IL1RAPL1: variants seen among roughly 807,000 people sequenced by gnomAD.
IL1RAPL1 encodes the protein interleukin-1 receptor accessory protein-like 1.
Under a neutral mutation model 48.4 loss-of-function variants are expected in IL1RAPL1, and 3 were observed. That is an observed-to-expected ratio of 0.06 (90% confidence interval 0.03 to 0.16). The LOEUF is 0.16. Among genes scored for constraint, IL1RAPL1 ranks in the 10% least tolerant of loss-of-function variants. IL1RAPL1 has a pLI of 1.00. For missense variants in IL1RAPL1, 349 were observed against 530.6 expected (o/e 0.66, Z 3.36); for synonymous variants, 185 against 187.7 (o/e 0.99, Z 0.12).
chrX:29,621,961 C>T (rs139188495), intron 5 of IL1RAPL1, among the ~76,000 whole-genome samples: 1,146 of 112,036 alleles, frequency 0.01, 13 homozygotes, highest in African/African-American at 0.034. Flanking sequence ...AATATGCTAT[C>T]TTCTTGAGAT....
At chrX:29,909,036 G>C (rs988587780) in intron 6 of IL1RAPL1, among the ~76,000 whole-genome samples, 2 of 111,167 alleles carry the variant, frequency 1.8e-5, no homozygotes, top group African/African-American at 6.5e-5. Context: ...TCATTGCTTT[G>C]TTATATCCTA....
intron 2 of IL1RAPL1, among the ~76,000 whole-genome samples, chrX:29,252,267 A>C (rs1171279827): frequency 9.7e-6 from 1 of 103,430 alleles, no homozygotes; most frequent in African/African-American, 3.7e-5. Flanking sequence ...AAGTACAATA[A>C]TAGTAAAAGA....
intron 6 of IL1RAPL1, among the ~76,000 whole-genome samples, chrX:29,749,864 G>A (rs1203997647): frequency 3.6e-5 from 4 of 111,992 alleles, no homozygotes; most frequent in Non-Finnish European, 7.5e-5. Flanking sequence ...TGTTTTATGT[G>A]GGGGTATGTG....
At chrX:29,929,041 T>A (rs1439224003) in intron 8 of IL1RAPL1, among the ~76,000 whole-genome samples, 1 of 111,682 alleles carries the variant, frequency 9.0e-6, no homozygotes, top group African/African-American at 3.3e-5. Context: ...GCATGTGTTC[T>A]ATGAAAAATA....
At chrX:29,197,332 G>A (rs1265195158) in intron 2 of IL1RAPL1, among the ~76,000 whole-genome samples, 1 of 111,494 alleles carries the variant, frequency 9.0e-6, no homozygotes, top group African/African-American at 3.3e-5. Context: ...AATGTCTGAT[G>A]TCTGTTTGGA....
chrX:29,311,451 A>G (rs1382567318), intron 3 of IL1RAPL1, among the ~76,000 whole-genome samples: 1 of 112,081 alleles, frequency 8.9e-6, no homozygotes, highest in Non-Finnish European at 1.9e-5. Flanking sequence ...CGAGCACAGG[A>G]ATACTAGCCT....
intron 2 of IL1RAPL1, among the ~76,000 whole-genome samples, chrX:28,919,208 G>A (rs997689472): frequency 9.0e-6 from 1 of 111,558 alleles, no homozygotes; most frequent in Non-Finnish European, 1.9e-5. Flanking sequence ...ATTTCATCAA[G>A]CATACAGTGT....
chrX:29,299,546 C>T (rs1932501386), intron 3 of IL1RAPL1, among the ~76,000 whole-genome samples: 1 of 111,450 alleles, frequency 9.0e-6, no homozygotes, highest in Non-Finnish European at 1.9e-5. Flanking sequence ...AAATGTGACA[C>T]AAAAAAGCTT....
rs186575724 is a variant in IL1RAPL1 at position 29,903,465 on chromosome X, A to G, written c.779-13999A>G. Among the ~76,000 whole-genome samples, 616 of 111,548 alleles carry G rather than the reference A, an allele frequency of 5.5e-3. 3 individuals carry two copies. Among genetic ancestry groups the G allele is most frequent in the Middle Eastern group, 9.2e-3 (2 of 217 alleles). On this transcript the variant is annotated intron_variant, in intron 6 of 10. Transcript: ENST00000378993. ...AAAATGCTCACTGTTTCCTAATTGC[A>G]AAGAGTAAAATGTCTGGATGTTGAT...
chrX:29,045,313 C>G lies in IL1RAPL1; in HGVS notation c.83-237625C>G, dbSNP rs781428419. On this transcript the variant is annotated intron_variant, in intron 2 of 10. Coordinates refer to ENST00000378993, the MANE Select transcript of IL1RAPL1 (RefSeq NM_014271.4). ...AGAATTCACTGTACTTTTTATTTCA[C>G]TATCGGCTTTCCAAAATATGGTAAC... 8.9e-5 allele frequency among the ~76,000 whole-genome samples: 10 copies of G among 112,345 alleles called. No homozygotes were observed. In the East Asian group the frequency reaches 1.7e-3, roughly 19 times the overall value.
chrX:29,032,288 T>C (rs1926636622), intron 2 of IL1RAPL1, among the ~76,000 whole-genome samples: 1 of 112,153 alleles, frequency 8.9e-6, no homozygotes, highest in Non-Finnish European at 1.9e-5. Flanking sequence ...TGTTGGTGAT[T>C]CTCCAAAAGG....
chrX:28,910,060 A>T (rs1303751346), intron 2 of IL1RAPL1, among the ~76,000 whole-genome samples: 2 of 111,930 alleles, frequency 1.8e-5, no homozygotes, highest in Non-Finnish European at 3.8e-5. Context: ...AAATATTCTT[A>T]CTTAAAACAA....
intron 2 of IL1RAPL1, among the ~76,000 whole-genome samples, chrX:28,983,879 T>TAAGTACAAACAACTCTGAG (rs1478329655): frequency 8.9e-6 from 1 of 111,936 alleles, no homozygotes; most frequent in Non-Finnish European, 1.9e-5. Flanking sequence ...TTCAACGACA[T>TAAGTACAAACAACTCTGAG]AAGTACAAAC....
At chrX:29,679,355 T>C (rs1221090510) in intron 6 of IL1RAPL1, among the ~76,000 whole-genome samples, 1 of 112,155 alleles carries the variant, frequency 8.9e-6, no homozygotes. Context: ...GTCAATTATC[T>C]TGGCAACTTT....
intron 5 of IL1RAPL1, among the ~76,000 whole-genome samples, chrX:29,628,495 A>G (rs1191730087): frequency 9.0e-6 from 1 of 111,729 alleles, no homozygotes; most frequent in Non-Finnish European, 1.9e-5. Flanking sequence ...AGTCCAGCCA[A>G]TGTTAGGTAT....
intron 2 of IL1RAPL1, among the ~76,000 whole-genome samples, chrX:28,907,554 C>T (rs1424609257): frequency 8.9e-6 from 1 of 112,961 alleles, no homozygotes; most frequent in African/African-American, 3.2e-5. Context: ...TGTGCCCAAC[C>T]TAATTGATGT....
At chrX:28,937,230 C>T (rs1924040214) in intron 2 of IL1RAPL1, among the ~76,000 whole-genome samples, 1 of 111,266 alleles carries the variant, frequency 9.0e-6, no homozygotes, top group Non-Finnish European at 1.9e-5. Context: ...TTCTGAGGTC[C>T]CCTTTCACCC....
chrX:29,084,889 C>T (rs1416182399), intron 2 of IL1RAPL1, among the ~76,000 whole-genome samples: 3 of 111,849 alleles, frequency 2.7e-5, no homozygotes, highest in South Asian at 7.4e-4. Context: ...GACGGGGTTT[C>T]GCCATGTTGG....
intron 2 of IL1RAPL1, among the ~76,000 whole-genome samples, chrX:29,170,921 A>G (rs2143364): frequency 0.45 from 49,461 of 110,451 alleles, 8,328 homozygotes; most frequent in Non-Finnish European, 0.53. Context: ...TTAATGAACT[A>G]TGACCATGAT....
Sources: gnomAD v4.1 joint callset for allele counts (sites outside exome capture counted in the v4.1 genomes callset) on GRCh38, gnomAD v4.1.1 for gene constraint, MANE v1.5 for transcripts, NCBI Gene and HGNC (gene_info 2026-07-23, HGNC 2026-07-21) for gene names.